Variants in PTPRZ1 observed in about 807,000 individuals in gnomAD.
PTPRZ1 encodes protein tyrosine phosphatase receptor type Z1.
A neutral mutation model predicts 214.1 loss-of-function variants in PTPRZ1; 82 were observed. The observed-to-expected ratio is 0.38, with a 90% CI of 0.32 to 0.46. The LOEUF (loss-of-function observed/expected upper bound fraction) is 0.46, where lower values mean the gene tolerates loss of function less well. Among genes scored for constraint, PTPRZ1 ranks in the 20% least tolerant of loss-of-function variants. The pLI, the probability that PTPRZ1 is intolerant of heterozygous loss-of-function variation, is 1.00. For synonymous variants in PTPRZ1, 945 were observed against 987.9 expected (o/e 0.96, Z 0.81); for missense variants, 2,603 against 2,748.7 (o/e 0.95, Z 1.19).
chr7:122,040,819 T>C lies in PTPRZ1; in HGVS notation c.5641T>C (p.Ser1881Pro). ...TTAACTGTCTGAACTTTTCCAGGGC[T>C]CCCAGAAAGGAAGACCCAGTGGACG... ...TLRNTKIKKG[S>P]QKGRPSGRVV... The change falls in exon 21 of 30, where the codon TCC (serine) becomes CCC (proline). Residue 1881 changes from serine to proline, a missense_variant. Physicochemically the swap from Ser to Pro is moderately conservative, Grantham distance 74 (BLOSUM62 -1). Coordinates refer to ENST00000393386, the MANE Select transcript of PTPRZ1 (RefSeq NM_002851.3). The C allele has an allele frequency of 6.5e-7, 1 of 1,545,364 alleles. No individual in the cohort carries two copies. Among genetic ancestry groups the C allele is most frequent in the Non-Finnish European group, 8.8e-7 (1 of 1,140,242 alleles).
chr7:121,932,083 G>A (rs191997698), intron 2 of PTPRZ1, among the ~76,000 whole-genome samples: 4 of 152,222 alleles, frequency 2.6e-5, no homozygotes, highest in Admixed American at 2.6e-4. Context: ...AGGATCCTAG[G>A]AAGAAACTAA....
chr7:122,019,201 CT>C lies in PTPRZ1; in HGVS notation c.4923del (p.Val1642Ter). ...LESEKKAVIP[L>X]VIVSALTFIC... ...ATCCGAGAAGAAGGCAGTTATACCC[CT>C]TGTGATCGTGTCAGCCCTGACTTTT... On this transcript the variant is annotated frameshift_variant, in exon 13 of 30. Coordinates refer to ENST00000393386, the MANE Select transcript of PTPRZ1 (RefSeq NM_002851.3). LOFTEE classifies it high-confidence loss of function. 1 of 1,611,646 alleles carries C rather than the reference CT, an allele frequency of 6.2e-7. No homozygotes were observed. The highest frequency in any genetic ancestry group is 8.5e-7 in the Non-Finnish European group (1 of 1,177,832).
At chr7:121,920,240 C>T (rs576563258) in intron 1 of PTPRZ1, among the ~76,000 whole-genome samples, 8 of 152,186 alleles carry the variant, frequency 5.3e-5, no homozygotes, top group African/African-American at 9.6e-5. Flanking sequence ...TCTTGCTCTG[C>T]GTCAGCTTTC....
chr7:122,014,815 A>T (rs909029331), intron 12 of PTPRZ1, among the ~76,000 whole-genome samples: 20 of 152,280 alleles, frequency 1.3e-4, no homozygotes, highest in African/African-American at 2.6e-4. Flanking sequence ...GTTAAAAAAA[A>T]TTTTAATTTT....
chr7:122,045,247 A>T (rs1799853296), intron 23 of PTPRZ1, among the ~76,000 whole-genome samples: 1 of 152,084 alleles, frequency 6.6e-6, no homozygotes, highest in South Asian at 2.1e-4. Flanking sequence ...ATTTCACTCC[A>T]CATTGTTCCT....
At chr7:121,958,634 A>G (rs1403621515) in intron 2 of PTPRZ1, among the ~76,000 whole-genome samples, 3 of 152,132 alleles carry the variant, frequency 2.0e-5, no homozygotes, top group Non-Finnish European at 1.5e-5. Context: ...TGAAATTTCC[A>G]AGTCTGCAGG....
At chr7:121,909,481 T>C (rs1795209577) in intron 1 of PTPRZ1, among the ~76,000 whole-genome samples, 1 of 152,188 alleles carries the variant, frequency 6.6e-6, no homozygotes, top group African/African-American at 2.4e-5. Flanking sequence ...ATATGTGTTT[T>C]GAAAATCTAG....
At chr7:121,966,522 C>T (rs147929085) in intron 2 of PTPRZ1, among the ~76,000 whole-genome samples, 265 of 152,154 alleles carry the variant, frequency 1.7e-3, no homozygotes, top group African/African-American at 5.8e-3. Context: ...TAAAACTGTT[C>T]CTAGAATCCA....
chr7:121,953,711 C>A (rs183586056), intron 2 of PTPRZ1, among the ~76,000 whole-genome samples: 94 of 152,314 alleles, frequency 6.2e-4, no homozygotes, highest in Non-Finnish European at 6.0e-4. Context: ...TAGTTCACTT[C>A]AGCTATTTTT....
Position 121,898,074 on chromosome 7 carries a change from A to G in PTPRZ1, c.58+24517A>G, listed in dbSNP as rs1186420855. On this transcript the variant is annotated intron_variant, in intron 1 of 29. Transcript: ENST00000393386. ...CACTTCGGTGGTACATTTAAATACT[A>G]CAGTAGCAGAAAATGATACCTGATA... Among the ~76,000 whole-genome samples the G allele has an allele frequency of 4.6e-5, 7 of 152,272 alleles. No individual in the cohort carries two copies. In the East Asian group the frequency reaches 1.3e-3, roughly 29 times the overall value.
At chr7:121,885,879 A>G (rs1445428009) in intron 1 of PTPRZ1, among the ~76,000 whole-genome samples, 2 of 152,202 alleles carry the variant, frequency 1.3e-5, no homozygotes, top group Non-Finnish European at 2.9e-5. Context: ...ATTAGACTTG[A>G]TGGCATTCAG....
At chr7:121,923,017 A>G (rs1319940402) in intron 1 of PTPRZ1, among the ~76,000 whole-genome samples, 1 of 152,200 alleles carries the variant, frequency 6.6e-6, no homozygotes, top group Non-Finnish European at 1.5e-5. Context: ...GTAGGATGAA[A>G]GTTAAAAGTG....
intron 11 of PTPRZ1, among the ~76,000 whole-genome samples, chr7:122,005,101 AT>A (rs1798445453): frequency 6.6e-6 from 1 of 151,914 alleles, no homozygotes; most frequent in East Asian, 1.9e-4. Flanking sequence ...TTGTATATAT[AT>A]TTTTTGCCCA....
intron 8 of PTPRZ1, among the ~76,000 whole-genome samples, chr7:121,991,359 T>C (rs1033137657): frequency 6.6e-6 from 1 of 152,230 alleles, no homozygotes; most frequent in African/African-American, 2.4e-5. Flanking sequence ...AATAGAATTA[T>C]GGATGCACTT....
chr7:122,013,693 T>C lies in PTPRZ1; in HGVS notation c.4647T>C (p.Ser1549=), dbSNP rs1323633091. 6.2e-7 allele frequency: 1 copy of C among 1,614,202 alleles called. No individual in the cohort carries two copies. The highest frequency in any genetic ancestry group is 1.1e-5 in the South Asian group (1 of 91,080). Residue 1549 remains serine (S), a synonymous_variant, in exon 12 of 30, where the codon AGT becomes AGC. Transcript: ENST00000393386. ...AWAVLTSDEE[S]GSGQGTSDSL... ...CAGTTCTGACAAGTGATGAAGAAAG[T>C]GGATCAGGGCAAGGTACCTCAGATA... is the stretch of plus-strand genomic sequence containing the variant.
chr7:122,051,955 C>T lies in PTPRZ1; in HGVS notation c.6252+16C>T, dbSNP rs1422383567. The T allele has an allele frequency of 6.3e-7, 1 of 1,579,398 alleles. No homozygotes were observed. The highest frequency in any genetic ancestry group is 2.3e-5 in the East Asian group (1 of 43,690). On this transcript the variant is annotated intron_variant, in intron 25 of 29. Transcript: ENST00000393386. ...CTATATCATGGTAAGTCAGAGAAGT[C>T]ACTGAGGAGACTGCCAGCTTGTGTT... is the stretch of plus-strand genomic sequence containing the variant.
At chr7:121,937,246 C>A (rs1026474847) in intron 2 of PTPRZ1, among the ~76,000 whole-genome samples, 1 of 152,062 alleles carries the variant, frequency 6.6e-6, no homozygotes, top group East Asian at 1.9e-4. Flanking sequence ...CCAGAAGAGC[C>A]GTGTTTGATA....
chr7:121,887,695 A>G (rs973750816), intron 1 of PTPRZ1, among the ~76,000 whole-genome samples: 3 of 152,162 alleles, frequency 2.0e-5, no homozygotes, highest in Non-Finnish European at 2.9e-5. Flanking sequence ...CAGAAACACG[A>G]GAGAAAGAGA....
At chr7:121,889,388 G>A (rs144778152) in intron 1 of PTPRZ1, among the ~76,000 whole-genome samples, 3 of 152,232 alleles carry the variant, frequency 2.0e-5, no homozygotes, top group East Asian at 3.9e-4. Context: ...TTGCCATCCT[G>A]AAGCAAGGTT....
Sources: allele counts gnomAD v4.1 joint callset (sites outside exome capture counted in the v4.1 genomes callset), GRCh38; gene constraint gnomAD v4.1.1; transcripts MANE v1.5; gene names NCBI Gene and HGNC (gene_info 2026-07-23, HGNC 2026-07-21).